The following TIPARP variants were observed in gnomAD, a reference collection of about 807,000 sequenced individuals.
TIPARP encodes TCDD inducible poly(ADP-ribose) polymerase.
Under a neutral mutation model 56.5 loss-of-function variants are expected in TIPARP, and 12 were observed. The observed-to-expected ratio is 0.21, with a 90% CI of 0.14 to 0.34. The LOEUF is 0.34. Ranked by LOEUF, TIPARP falls within the 10% of genes least tolerant of loss-of-function variation. The pLI is 1.00. For missense variants in TIPARP, 604 were observed against 781.6 expected (o/e 0.77, Z 2.71); for synonymous variants, 296 against 265.7 (o/e 1.11, Z -1.11).
At chr3:156,687,909 C>A (rs1417206029) in intron 2 of TIPARP, among the ~76,000 whole-genome samples, 2 of 152,080 alleles carry the variant, frequency 1.3e-5, no homozygotes, top group East Asian at 3.9e-4. Context: ...CAGGAGGTAC[C>A]AAGGGAGCAG....
intron 4 of TIPARP, among the ~76,000 whole-genome samples, chr3:156,698,073 C>G (rs1197355280): frequency 6.6e-6 from 1 of 152,178 alleles, no homozygotes; most frequent in Non-Finnish European, 1.5e-5. Context: ...AAGATCAAAC[C>G]AGCTACAACA....
At chr3:156,703,385 T>C in intron 4 of TIPARP, 39 bp from the exon 5 acceptor site, 1 of 1,600,452 alleles carries the variant, frequency 6.2e-7, no homozygotes, top group Non-Finnish European at 8.5e-7. Context: ...TACTTATTTC[T>C]TAATGTTTTA....
At position 156,703,768 on chromosome 3, in the gene TIPARP, C is replaced by T. The variant is rs528233167; in HGVS notation, c.1526+66C>T. On this transcript the variant is annotated intron_variant, in intron 5 of 5. Transcript: ENST00000295924. The stretch of plus-strand genomic sequence containing the variant: ...GTGGCTCAAGCCTGTAATCCCAGCA[C>T]TTTGGGAGGCCGAGGCGGGCAGATT... 390 of 1,508,740 alleles carry T rather than the reference C, an allele frequency of 2.6e-4. 1 individual carries two copies. The African/African-American group carries it at 4.9e-3, about 19-fold the overall frequency. The allele number at this position is 1,508,740 out of a possible 1,614,324, so 93.5% of individuals were successfully genotyped here.
At chr3:156,692,071 A>G (rs1156367585) in intron 2 of TIPARP, among the ~76,000 whole-genome samples, 1 of 152,188 alleles carries the variant, frequency 6.6e-6, no homozygotes, top group African/African-American at 2.4e-5. Flanking sequence ...TGTTTATATT[A>G]TAATGCATGT....
chr3:156,699,214 G>C (rs577409850), intron 4 of TIPARP, among the ~76,000 whole-genome samples: 7 of 152,342 alleles, frequency 4.6e-5, no homozygotes, highest in African/African-American at 1.4e-4. Flanking sequence ...CATCAACTTA[G>C]TTGATAAAGC....
intron 2 of TIPARP, among the ~76,000 whole-genome samples, chr3:156,679,526 A>T (rs548383721): frequency 6.3e-4 from 96 of 152,354 alleles, no homozygotes; most frequent in South Asian, 1.7e-3. Flanking sequence ...AGAAGGAGCT[A>T]AAGTGTGTGG....
At chr3:156,678,762 T>G in intron 2 of TIPARP, 148 bp downstream of exon 2, 1 of 669,580 alleles carries the variant, frequency 1.5e-6, no homozygotes, top group Non-Finnish European at 2.4e-6. Flanking sequence ...TCCTGATTTT[T>G]CATGGTGGGT....
chr3:156,678,156 T>C lies in TIPARP; in HGVS notation c.459T>C (p.Asp153=), dbSNP rs549351024. ...AAACCCTCAGTGGGACGGTGGCAGA[T>C]TCCACACCAGCTCACTTCCAGACTG... ...PSETLSGTVA[D]STPAHFQTDL... The change falls in exon 2 of 6, where the codon GAT becomes GAC. Residue 153 remains aspartate, a synonymous_variant. Coordinates refer to ENST00000295924, the MANE Select transcript of TIPARP (RefSeq NM_015508.5). The C allele has an allele frequency of 1.2e-6, 2 of 1,613,882 alleles. No homozygotes were observed. Among genetic ancestry groups the C allele is most frequent in the East Asian group, 4.5e-5 (2 of 44,880 alleles).
chr3:156,705,152 T>G lies in TIPARP; in HGVS notation c.*21T>G, dbSNP rs775954799. On this transcript the variant is annotated 3_prime_UTR_variant, in exon 6 of 6. Coordinates refer to ENST00000295924, the MANE Select transcript of TIPARP (RefSeq NM_015508.5). The stretch of plus-strand genomic sequence containing the variant: ...TTTGAAAAATCTTGGTACTGCTAAA[T>G]TATTTGATATGAACTCAATCCAGCA... 1 of 1,543,610 alleles carries G rather than the reference T, an allele frequency of 6.5e-7. No homozygotes were observed. Among genetic ancestry groups the G allele is most frequent in the East Asian group, 2.3e-5 (1 of 44,424 alleles).
intron 4 of TIPARP, 59 bp downstream of exon 4, chr3:156,696,084 AAT>A: frequency 6.5e-7 from 1 of 1,530,910 alleles, no homozygotes; most frequent in Non-Finnish European, 8.8e-7. Context: ...TGCATTCCTG[AAT>A]ACTAGAGATA....
intron 2 of TIPARP, among the ~76,000 whole-genome samples, chr3:156,683,710 T>A (rs1183592300): frequency 1.3e-5 from 2 of 152,254 alleles, no homozygotes; most frequent in African/African-American, 2.4e-5. Context: ...ATAAACTTCA[T>A]AAGTTCTTCT....
At chr3:156,681,251 G>A in intron 2 of TIPARP, 1 of 455,692 alleles carries the variant, frequency 2.2e-6, no homozygotes, top group Non-Finnish European at 4.4e-6. Flanking sequence ...GGCCTGTAAA[G>A]CTGGTCTATC....
At chr3:156,698,329 A>T (rs1223187635) in intron 4 of TIPARP, among the ~76,000 whole-genome samples, 4 of 152,202 alleles carry the variant, frequency 2.6e-5, no homozygotes, top group Non-Finnish European at 4.4e-5. Flanking sequence ...TAAACAAGAG[A>T]TTTTCAGTGT....
At chr3:156,694,926 A>G (rs960103960) in intron 3 of TIPARP, among the ~76,000 whole-genome samples, 7 of 152,216 alleles carry the variant, frequency 4.6e-5, no homozygotes, top group African/African-American at 7.2e-5. Context: ...TAAAGACAAT[A>G]GCAAAAGAAA....
At chr3:156,693,941 C>A in intron 2 of TIPARP, 79 bp from the exon 3 acceptor site, 1 of 1,421,610 alleles carries the variant, frequency 7.0e-7, no homozygotes. Context: ...TTTTAATGTC[C>A]AATGATATTT....
chr3:156,692,831 A>C (rs1425675640), intron 2 of TIPARP, among the ~76,000 whole-genome samples: 1 of 152,172 alleles, frequency 6.6e-6, no homozygotes, highest in Non-Finnish European at 1.5e-5. Flanking sequence ...AAAATGTGCT[A>C]GCTAGCAAAA....
intron 2 of TIPARP, among the ~76,000 whole-genome samples, chr3:156,687,635 CTG>C (rs1048493890): frequency 1.7e-4 from 26 of 151,906 alleles, no homozygotes; most frequent in African/African-American, 6.3e-4. Context: ...TGAGAATAAA[CTG>C]TGTTATGTTT....
intron 2 of TIPARP, among the ~76,000 whole-genome samples, chr3:156,690,321 A>G (rs1275243874): frequency 6.6e-6 from 1 of 152,114 alleles, no homozygotes; most frequent in Non-Finnish European, 1.5e-5. Flanking sequence ...AGGATCTTAA[A>G]TACTAAGATA....
intron 2 of TIPARP, among the ~76,000 whole-genome samples, chr3:156,680,355 C>T (rs917958459): frequency 6.6e-6 from 1 of 152,020 alleles, no homozygotes; most frequent in Admixed American, 6.6e-5. Context: ...TCTTAAAAAT[C>T]TTTTTAATAA....
Sources: gnomAD v4.1 joint callset for allele counts (sites outside exome capture counted in the v4.1 genomes callset) on GRCh38, gnomAD v4.1.1 for gene constraint, MANE v1.5 for transcripts, NCBI Gene and HGNC (gene_info 2026-07-23, HGNC 2026-07-21) for gene names.